The following MICU1 variants were observed in gnomAD, a reference collection of about 807,000 sequenced individuals.
MICU1 encodes mitochondrial calcium uptake 1, also known as calcium uptake protein 1, mitochondrial.
Under a neutral mutation model 56.8 loss-of-function variants are expected in MICU1, and 45 were observed. The ratio of observed to expected loss-of-function variants is 0.79; its 90% CI spans 0.62 to 1.02. The LOEUF (loss-of-function observed/expected upper bound fraction) is 1.02, where lower values mean the gene tolerates loss of function less well. Ranked by LOEUF, MICU1 falls within the 50% of genes least tolerant of loss-of-function variation. The pLI, the probability that MICU1 is intolerant of heterozygous loss-of-function variation, is 0.00. For synonymous variants in MICU1, 186 were observed against 195.1 expected (o/e 0.95, Z 0.39); for missense variants, 504 against 587.1 (o/e 0.86, Z 1.46).
intron 3 of MICU1, among the ~76,000 whole-genome samples, chr10:72,555,514 A>G (rs1564932620): frequency 6.6e-6 from 1 of 152,228 alleles, no homozygotes; most frequent in Non-Finnish European, 1.5e-5. Context: ...AAAAGAATAT[A>G]AAAAGAATGA....
chr10:72,445,550 C>A (rs1355266836), intron 8 of MICU1, among the ~76,000 whole-genome samples: 1 of 152,206 alleles, frequency 6.6e-6, no homozygotes. Flanking sequence ...AGCTTGGTAG[C>A]TTCTGGGAAA....
intron 9 of MICU1, among the ~76,000 whole-genome samples, chr10:72,421,016 A>ATT (rs1554865353): frequency 8.1e-6 from 1 of 124,138 alleles, no homozygotes; most frequent in Non-Finnish European, 1.7e-5. Flanking sequence ...AAAAAAAAAA[A>ATT]AATAATAATA....
At chr10:72,600,455 C>A (rs1841497977) in intron 1 of MICU1, among the ~76,000 whole-genome samples, 1 of 151,482 alleles carries the variant, frequency 6.6e-6, no homozygotes, top group Non-Finnish European at 1.5e-5. Context: ...TCGAGACCAG[C>A]CTGGCCAACA....
At chr10:72,409,094 A>G (rs753444956) in intron 9 of MICU1, among the ~76,000 whole-genome samples, 8 of 152,158 alleles carry the variant, frequency 5.3e-5, no homozygotes, top group Non-Finnish European at 1.2e-4. Flanking sequence ...CTTCCCACAC[A>G]TCATGCTGTG....
chr10:72,468,707 G>A (rs1026852167), intron 8 of MICU1, among the ~76,000 whole-genome samples: 18 of 152,056 alleles, frequency 1.2e-4, no homozygotes, highest in Admixed American at 1.1e-3. Context: ...ATAATTAAAT[G>A]GCTAGTTTAG....
At chr10:72,467,284 A>G (rs1865824674) in intron 8 of MICU1, among the ~76,000 whole-genome samples, 1 of 152,104 alleles carries the variant, frequency 6.6e-6, no homozygotes, top group Non-Finnish European at 1.5e-5. Context: ...CCCGGGCTCA[A>G]GCAATTCTCA....
chr10:72,473,740 G>A (rs34225583), intron 8 of MICU1, among the ~76,000 whole-genome samples: 3,882 of 152,224 alleles, frequency 0.026, 69 homozygotes, highest in Non-Finnish European at 0.039. Context: ...GCTCATCAGT[G>A]TTACAACAAA....
intron 8 of MICU1, among the ~76,000 whole-genome samples, chr10:72,431,179 G>A (rs949382146): frequency 3.3e-5 from 5 of 151,774 alleles, no homozygotes; most frequent in Non-Finnish European, 5.9e-5. Flanking sequence ...CACCCAGGCT[G>A]GAGTGCAGTG....
intron 6 of MICU1, among the ~76,000 whole-genome samples, chr10:72,502,026 A>ATAG (rs1867084704): frequency 6.6e-6 from 1 of 152,272 alleles, no homozygotes; most frequent in Admixed American, 6.5e-5. Context: ...TTTAGACCAC[A>ATAG]TAGTAGTTCA....
intron 7 of MICU1, among the ~76,000 whole-genome samples, chr10:72,475,666 T>C (rs1866096553): frequency 6.6e-6 from 1 of 152,064 alleles, no homozygotes; most frequent in African/African-American, 2.4e-5. Context: ...GGACCTCAAG[T>C]GATCCTCCCA....
At chr10:72,442,151 A>C (rs1864956866) in intron 8 of MICU1, among the ~76,000 whole-genome samples, 2 of 151,884 alleles carry the variant, frequency 1.3e-5, no homozygotes, top group African/African-American at 4.8e-5. Context: ...TCATGTGCCT[A>C]ATGCTTTTTC....
At chr10:72,624,384 T>C (rs897668573) in intron 1 of MICU1, among the ~76,000 whole-genome samples, 3 of 152,090 alleles carry the variant, frequency 2.0e-5, no homozygotes, top group Non-Finnish European at 4.4e-5. Context: ...GGTCTTGCCA[T>C]ATTGCCCAGG....
chr10:72,467,860 C>CCTGGAGTGCAATGGCATGAGA (rs1865840775), intron 8 of MICU1: 2 of 151,060 alleles, frequency 1.3e-5, no homozygotes, highest in South Asian at 2.1e-4. Flanking sequence ...CTCTTGTCGC[C>CCTGGAGTGCAATGGCATGAGA]CTGGAGTGCA....
chr10:72,433,710 G>A (rs1239577266), intron 8 of MICU1, among the ~76,000 whole-genome samples: 4 of 152,306 alleles, frequency 2.6e-5, no homozygotes, highest in African/African-American at 9.6e-5. Context: ...GATTACAGGC[G>A]TGAGGCACCG....
chr10:72,477,573 C>T (rs151070538), intron 6 of MICU1: 26 of 1,531,916 alleles, frequency 1.7e-5, no homozygotes, highest in Middle Eastern at 1.7e-4. Flanking sequence ...GTAATATTAA[C>T]GTTCTGTTGC....
intron 1 of MICU1, among the ~76,000 whole-genome samples, chr10:72,620,224 G>A (rs867212858): frequency 1.3e-5 from 2 of 152,136 alleles, no homozygotes; most frequent in South Asian, 2.1e-4. Flanking sequence ...TCACTCTGTC[G>A]CCCAGGCTGG....
At chr10:72,537,946 A>G (rs1459993321) in intron 4 of MICU1, among the ~76,000 whole-genome samples, 1 of 152,180 alleles carries the variant, frequency 6.6e-6, no homozygotes, top group African/African-American at 2.4e-5. Flanking sequence ...TAGAATAATA[A>G]TTAACATTAC....
intron 6 of MICU1, among the ~76,000 whole-genome samples, chr10:72,479,745 T>C (rs902187631): frequency 2.0e-5 from 3 of 152,146 alleles, no homozygotes. Context: ...AGGCTGGTCT[T>C]AAACCTCCTG....
chr10:72,420,914 A>G (rs2132131498), intron 9 of MICU1, among the ~76,000 whole-genome samples: 1 of 149,968 alleles, frequency 6.7e-6, no homozygotes, highest in Non-Finnish European at 1.5e-5. Flanking sequence ...GGGCAGGAGA[A>G]TCACTTGAAC....
Sources: allele counts gnomAD v4.1 joint callset (sites outside exome capture counted in the v4.1 genomes callset), GRCh38; gene constraint gnomAD v4.1.1; transcripts MANE v1.5; gene names NCBI Gene and HGNC (gene_info 2026-07-23, HGNC 2026-07-21).